NUP98: variants seen among roughly 807,000 people sequenced by gnomAD.
NUP98 encodes nucleoporin 98 and 96 precursor.
A neutral mutation model predicts 191.9 loss-of-function variants in NUP98; 26 were observed. The ratio of observed to expected loss-of-function variants is 0.14; its 90% CI spans 0.10 to 0.19. The LOEUF is 0.19. Among genes scored for constraint, NUP98 ranks in the 10% least tolerant of loss-of-function variants. The pLI, the probability that NUP98 is intolerant of heterozygous loss-of-function variation, is 1.00. For synonymous variants in NUP98, 808 were observed against 778.4 expected (o/e 1.04, Z -0.63); for missense variants, 1,941 against 2,178.8 (o/e 0.89, Z 2.17).
chr11:3,754,380 C>T (rs550479168), intron 10 of NUP98, among the ~76,000 whole-genome samples: 194 of 152,118 alleles, frequency 1.3e-3, no homozygotes, highest in Non-Finnish European at 2.1e-3. Flanking sequence ...GAGCCAAGAT[C>T]GTGCCACTGC....
At chr11:3,684,635 G>A (rs1158813905) in intron 29 of NUP98, among the ~76,000 whole-genome samples, 2 of 151,882 alleles carry the variant, frequency 1.3e-5, no homozygotes, top group Admixed American at 1.3e-4. Flanking sequence ...AGGGGAAGAA[G>A]AAAGAGAAAC....
chr11:3,780,974 G>A (rs1213628270), intron 2 of NUP98, among the ~76,000 whole-genome samples: 1 of 151,884 alleles, frequency 6.6e-6, no homozygotes, highest in Admixed American at 6.6e-5. Context: ...CAGCTACTCG[G>A]GGGGCTGAGG....
At chr11:3,716,409 C>G (rs61879800) in intron 18 of NUP98, among the ~76,000 whole-genome samples, 1 of 151,582 alleles carries the variant, frequency 6.6e-6, no homozygotes, top group Non-Finnish European at 1.5e-5. Context: ...TTATACCTTA[C>G]TGAAAATCAT....
At chr11:3,694,129 T>C (rs2134069739) in intron 26 of NUP98, among the ~76,000 whole-genome samples, 1 of 150,296 alleles carries the variant, frequency 6.7e-6, no homozygotes, top group East Asian at 2.0e-4. Context: ...ACCAGCACTT[T>C]GGGAGGCCGA....
intron 26 of NUP98, among the ~76,000 whole-genome samples, chr11:3,693,996 C>A (rs1057187351): frequency 6.6e-6 from 1 of 150,602 alleles, no homozygotes; most frequent in African/African-American, 2.4e-5. Flanking sequence ...TTTGGGAGGC[C>A]GAGGTGGTCG....
chr11:3,695,271 TACA>T (rs1255203618), intron 26 of NUP98, among the ~76,000 whole-genome samples, 175 bp downstream of exon 26: 1 of 152,276 alleles, frequency 6.6e-6, no homozygotes, highest in Non-Finnish European at 1.5e-5. Flanking sequence ...TTAATTTCTA[TACA>T]ACTAGATTTT....
Position 3,731,453 on chromosome 11 carries a change from T to A in NUP98, c.1668A>T (p.Ser556=), listed in dbSNP as rs890828676. The A allele has an allele frequency of 6.2e-7, 1 of 1,607,904 alleles. No individual in the cohort carries two copies. Among genetic ancestry groups the A allele is most frequent in the Non-Finnish European group, 8.5e-7 (1 of 1,176,958 alleles). Residue 556 remains serine, a synonymous_variant, in exon 14 of 33, where the codon TCA becomes TCT. Coordinates refer to ENST00000324932, the MANE Select transcript of NUP98 (RefSeq NM_016320.5). ...CGTCATCCAGCCCATCAAAGAGATGTGACTTGGCTGTGCCTGTTGTTTGTA... is the reference window on the plus strand; with the variant it reads ...CGTCATCCAGCCCATCAAAGAGATGAGACTTGGCTGTGCCTGTTGTTTGTA... ...KALQTTGTAK[S]HLFDGLDDDE... is the part of the protein sequence containing the mutation.
At chr11:3,706,355 T>C in intron 21 of NUP98, 90 bp downstream of exon 21, 1 of 1,237,682 alleles carries the variant, frequency 8.1e-7, no homozygotes, top group Non-Finnish European at 1.2e-6. Flanking sequence ...TCAATGATCT[T>C]AATAACCAAG....
At chr11:3,732,566 T>C (rs1249467732) in intron 13 of NUP98, among the ~76,000 whole-genome samples, 2 of 152,176 alleles carry the variant, frequency 1.3e-5, no homozygotes, top group Non-Finnish European at 2.9e-5. Context: ...AGCTTGTATT[T>C]ATCCATCTTT....
At chr11:3,741,534 T>C (rs1314501526) in intron 12 of NUP98, among the ~76,000 whole-genome samples, 1 of 151,882 alleles carries the variant, frequency 6.6e-6, no homozygotes, top group East Asian at 1.9e-4. Flanking sequence ...GGAAGGAGAA[T>C]CGCTTCAATC....
chr11:3,684,766 CAAAAAAAAAAAAAAAAAAAA>C (rs71041370), intron 29 of NUP98, among the ~76,000 whole-genome samples: 1,316 of 101,904 alleles, frequency 0.013, 40 homozygotes, highest in African/African-American at 0.048. Flanking sequence ...TTTCACAGGC[CAAAAAAAAAAAAAAAAAAAA>C]AAAAAAAAAA....
chr11:3,781,982 A>AAG, intron 2 of NUP98, 60 bp downstream of exon 2: 1 of 1,128,116 alleles, frequency 8.9e-7, no homozygotes, highest in Non-Finnish European at 1.3e-6. Flanking sequence ...ATCAGAGTGG[A>AAG]TTTGTTCTTA....
intron 14 of NUP98, among the ~76,000 whole-genome samples, chr11:3,729,715 C>CA (rs755816362): frequency 0.047 from 1,765 of 37,362 alleles, 194 homozygotes; most frequent in African/African-American, 0.083. Context: ...ACTCTTGCCT[C>CA]AAAAAAAAAA....
intron 11 of NUP98, among the ~76,000 whole-genome samples, chr11:3,748,044 C>T (rs907318089): frequency 3.9e-5 from 6 of 152,000 alleles, no homozygotes; most frequent in African/African-American, 1.5e-4. Context: ...ATAGGAGAGG[C>T]ATGTATAAGG....
intron 18 of NUP98, 31 bp downstream of exon 18, chr11:3,719,381 G>A (rs2079307879): frequency 6.4e-7 from 1 of 1,556,950 alleles, no homozygotes; most frequent in Non-Finnish European, 8.6e-7. Context: ...TGATTTAGCT[G>A]ATAATTTTCT....
chr11:3,757,569 C>T (rs2081014559), intron 10 of NUP98, among the ~76,000 whole-genome samples: 1 of 152,008 alleles, frequency 6.6e-6, no homozygotes, highest in African/African-American at 2.4e-5. Context: ...GAGACCGAGG[C>T]TGGCAGATCA....
At chr11:3,765,208 G>A (rs753334777) in intron 8 of NUP98, among the ~76,000 whole-genome samples, 4 of 151,962 alleles carry the variant, frequency 2.6e-5, no homozygotes, top group Admixed American at 2.0e-4. Context: ...TGTTTGTTTA[G>A]AGATAGGGTC....
chr11:3,687,869 G>A (rs61879791), intron 28 of NUP98, among the ~76,000 whole-genome samples: 14,297 of 151,668 alleles, frequency 0.094, 872 homozygotes, highest in Non-Finnish European at 0.14. Context: ...AGACTATCTT[G>A]GCTAACAAAA....
chr11:3,739,591 A>G (rs1300343166), intron 12 of NUP98, among the ~76,000 whole-genome samples: 1 of 152,180 alleles, frequency 6.6e-6, no homozygotes, highest in African/African-American at 2.4e-5. Flanking sequence ...ACAGAGATCA[A>G]TGAAAACTCG....
Sources: allele counts gnomAD v4.1 joint callset (sites outside exome capture counted in the v4.1 genomes callset), GRCh38; gene constraint gnomAD v4.1.1; transcripts MANE v1.5; gene names NCBI Gene and HGNC (gene_info 2026-07-23, HGNC 2026-07-21).